The following TTLL9 variants were observed in gnomAD, a reference collection of about 807,000 sequenced individuals.
TTLL9 encodes probable tubulin polyglutamylase TTLL9.
Under a neutral mutation model 65.6 loss-of-function variants are expected in TTLL9, and 47 were observed. The ratio of observed to expected loss-of-function variants is 0.72; its 90% confidence interval spans 0.57 to 0.91. The LOEUF (loss-of-function observed/expected upper bound fraction) is 0.91, where lower values mean the gene tolerates loss of function less well. Ranked by LOEUF, TTLL9 falls within the 40% of genes least tolerant of loss-of-function variation. The pLI, the probability that TTLL9 is intolerant of heterozygous loss-of-function variation, is 0.00. For synonymous variants in TTLL9, 179 were observed against 204.8 expected (o/e 0.87, Z 1.07); for missense variants, 537 against 568.8 (o/e 0.94, Z 0.57).
intron 6 of TTLL9, among the ~76,000 whole-genome samples, chr20:31,915,540 C>T (rs532312197): frequency 6.6e-6 from 1 of 152,232 alleles, no homozygotes; most frequent in African/African-American, 2.4e-5. Flanking sequence ...AATAGAGCTG[C>T]CCCCAGAACT....
At chr20:31,906,242 A>G (rs2063557405) in intron 4 of TTLL9, among the ~76,000 whole-genome samples, 4 of 152,074 alleles carry the variant, frequency 2.6e-5, no homozygotes, top group African/African-American at 7.2e-5. Flanking sequence ...TCTCTGTGAC[A>G]TTGGGGGCAT....
At chr20:31,874,904 G>A (rs1338914605) in intron 2 of TTLL9, among the ~76,000 whole-genome samples, 1 of 152,146 alleles carries the variant, frequency 6.6e-6, no homozygotes, top group Non-Finnish European at 1.5e-5. Flanking sequence ...GATGCAAGTG[G>A]AAAAGGCAAG....
At chr20:31,921,170 T>C (rs1402490976) in intron 7 of TTLL9, among the ~76,000 whole-genome samples, 1 of 152,224 alleles carries the variant, frequency 6.6e-6, no homozygotes, top group Non-Finnish European at 1.5e-5. Context: ...ACTGGATTTA[T>C]AATTTCATAT....
intron 1 of TTLL9, 34 bp from the exon 2 acceptor site, chr20:31,871,088 C>T: frequency 6.3e-7 from 1 of 1,598,498 alleles, no homozygotes; most frequent in Non-Finnish European, 8.6e-7. Flanking sequence ...CATCCATCCT[C>T]TCACTCCTTC....
chr20:31,914,040 G>T (rs2063696060), intron 6 of TTLL9, among the ~76,000 whole-genome samples: 1 of 152,220 alleles, frequency 6.6e-6, no homozygotes, highest in South Asian at 2.1e-4. Context: ...CACCAAGCTG[G>T]TCTAACACTT....
chr20:31,878,066 A>AT (rs1442564228), intron 2 of TTLL9, among the ~76,000 whole-genome samples: 1 of 152,176 alleles, frequency 6.6e-6, no homozygotes, highest in Non-Finnish European at 1.5e-5. Flanking sequence ...TTGTGGTTTA[A>AT]TGTCTTTCAT....
At chr20:31,875,238 A>C (rs1291152405) in intron 2 of TTLL9, among the ~76,000 whole-genome samples, 2 of 152,312 alleles carry the variant, frequency 1.3e-5, no homozygotes, top group African/African-American at 4.8e-5. Context: ...GAGGAAAAAA[A>C]ACCCTCTGTA....
At chr20:31,880,407 C>T (rs868670540) in intron 2 of TTLL9, among the ~76,000 whole-genome samples, 14 of 152,102 alleles carry the variant, frequency 9.2e-5, no homozygotes, top group Non-Finnish European at 1.9e-4. Context: ...AGGGCACAGA[C>T]CAACTCTCCC....
intron 3 of TTLL9, among the ~76,000 whole-genome samples, chr20:31,896,631 G>A (rs2063392988): frequency 6.6e-6 from 1 of 151,936 alleles, no homozygotes; most frequent in Non-Finnish European, 1.5e-5. Flanking sequence ...CCCAATTCAA[G>A]CGATTCTCCT....
intron 6 of TTLL9, among the ~76,000 whole-genome samples, chr20:31,913,469 G>A (rs1415252972): frequency 6.6e-6 from 1 of 152,176 alleles, no homozygotes; most frequent in East Asian, 1.9e-4. Context: ...CTTCCCACAA[G>A]GCCTGTCTTT....
chr20:31,910,988 A>G (rs2063637207), intron 6 of TTLL9, among the ~76,000 whole-genome samples: 1 of 152,180 alleles, frequency 6.6e-6, no homozygotes, highest in Non-Finnish European at 1.5e-5. Flanking sequence ...AGCCTGGCCT[A>G]CATGGTGAAA....
At chr20:31,933,965 G>C in intron 11 of TTLL9, 107 bp downstream of exon 11, 1 of 1,214,098 alleles carries the variant, frequency 8.2e-7, no homozygotes, top group Non-Finnish European at 1.1e-6. Context: ...CTGAGCCTGT[G>C]TTCACCAGTG....
rs1345531725 is a variant in TTLL9 at position 31,933,797 on chromosome 20, C to T, written c.749-3C>T. 6.2e-7 allele frequency: 1 copy of T among 1,613,962 alleles called. No individual in the cohort carries two copies. The highest frequency in any genetic ancestry group is 1.7e-5 in the Admixed American group (1 of 60,026). The stretch of plus-strand genomic sequence containing the variant: ...CTGACCCTTGACCACCACCCTCTCC[C>T]AGATGTTCACCTCACCAACGTGGCT... On this transcript the variant is annotated splice_region_variant and splice_polypyrimidine_tract_variant and intron_variant, in intron 10 of 14. Coordinates refer to ENST00000535842, the MANE Select transcript of TTLL9 (RefSeq NM_001008409.5).
chr20:31,898,608 C>T, intron 4 of TTLL9, 43 bp downstream of exon 4: 1 of 1,566,374 alleles, frequency 6.4e-7, no homozygotes, highest in Non-Finnish European at 8.8e-7. Context: ...CCCTTTGTCT[C>T]ACAGGTCCTT....
intron 2 of TTLL9, among the ~76,000 whole-genome samples, chr20:31,886,189 T>C (rs2063185091): frequency 6.6e-6 from 1 of 152,170 alleles, no homozygotes; most frequent in African/African-American, 2.4e-5. Flanking sequence ...CCATGGAAAC[T>C]GAGATAATGG....
rs1568753176 is a variant in TTLL9 at position 31,890,105 on chromosome 20, CCTTCCTT to C, written c.113+2868_113+2874del. Reference sequence around the variant, plus strand: ...CTTTCTTGCTTTCTTTCCCTCCCTTCCTTCCTTCCTTCCTTCCTTCCTTCCTTCCTTC... The same window carrying C: ...CTTTCTTGCTTTCTTTCCCTCCCTTCCCTTCCTTCCTTCCTTCCTTCCTTC... On this transcript the variant is annotated intron_variant, in intron 3 of 14. Transcript: ENST00000535842. 5.3e-3 allele frequency among the ~76,000 whole-genome samples: 241 copies of C among 45,414 alleles called. 14 individuals are homozygous for C. The highest frequency in any genetic ancestry group is 6.6e-3 in the Non-Finnish European group (158 of 24,090). The allele number at this position is 45,414 out of a possible 152,430, so 29.8% of individuals were successfully genotyped here. A position where few individuals can be genotyped will look rare whatever the true frequency, so the allele number is the denominator to read the frequency against.
At chr20:31,904,426 T>C (rs534175745) in intron 4 of TTLL9, among the ~76,000 whole-genome samples, 2 of 143,906 alleles carry the variant, frequency 1.4e-5, no homozygotes, top group East Asian at 4.1e-4. Flanking sequence ...GGTACAATCA[T>C]GGGTCACTGC....
chr20:31,893,272 G>A (rs949424723), intron 3 of TTLL9, among the ~76,000 whole-genome samples: 1 of 150,900 alleles, frequency 6.6e-6, no homozygotes, highest in African/African-American at 2.4e-5. Context: ...TTTCTGATGT[G>A]AAGTCAGCTG....
At position 31,944,057 on chromosome 20, in the gene TTLL9, A is replaced by G. The variant is rs2064272171; in HGVS notation, c.*1036A>G. On this transcript the variant is annotated 3_prime_UTR_variant, in exon 15 of 15. Transcript: ENST00000535842. ...CCCGAAGGGAAGACTTTTGGAAGGAAAATACTGGCAAATCCAAGAAGTGAA... is the reference window on the plus strand; with the variant it reads ...CCCGAAGGGAAGACTTTTGGAAGGAGAATACTGGCAAATCCAAGAAGTGAA... 1 of 337,646 alleles carries G rather than the reference A, an allele frequency of 3.0e-6. No homozygotes were observed. The highest frequency in any genetic ancestry group is 5.9e-6 in the Non-Finnish European group (1 of 169,536). 20.9% of individuals were successfully genotyped at this position (337,646 alleles called of 1,614,324 possible). A position where few individuals can be genotyped will look rare whatever the true frequency, so the allele number is the denominator to read the frequency against.
Sources: allele counts gnomAD v4.1 joint callset (sites outside exome capture counted in the v4.1 genomes callset), GRCh38; gene constraint gnomAD v4.1.1; transcripts MANE v1.5; gene names NCBI Gene and HGNC (gene_info 2026-07-23, HGNC 2026-07-21).